Variants in ABCA1 observed in about 807,000 individuals in gnomAD.
ABCA1 encodes the protein ATP binding cassette subfamily A member 1, also known as phospholipid-transporting ATPase ABCA1.
ABCA1 carries 133 observed loss-of-function variants against 262.5 expected under a neutral mutation model. That is an observed-to-expected ratio of 0.51 (90% CI 0.44 to 0.59). The LOEUF (loss-of-function observed/expected upper bound fraction) is 0.59. Among genes scored for constraint, ABCA1 ranks in the 20% least tolerant of loss-of-function variants. The pLI is 0.00. For missense variants in ABCA1, 2,452 were observed against 2,777.5 expected, an observed-to-expected ratio of 0.88 and a Z score of 2.63; for synonymous variants, 1,022 against 1,043.5, an observed-to-expected ratio of 0.98 and a Z score of 0.40.
chr9:104,872,897 C>T (rs918771304), intron 5 of ABCA1, among the ~76,000 whole-genome samples: 3 of 152,216 alleles, frequency 2.0e-5, no homozygotes, highest in South Asian at 2.1e-4. Flanking sequence ...ATTCTGTAAT[C>T]GAATGCAATT....
chr9:104,853,503 G>A lies in ABCA1; in HGVS notation c.720+5019C>T, dbSNP rs189811581. 3.3e-5 allele frequency among the ~76,000 whole-genome samples: 5 copies of A among 152,308 alleles called. No homozygotes were observed. In the East Asian group the frequency reaches 9.6e-4, roughly 29 times the overall value. ...AGAATTCCTCAAATTCCCAGACTCAGCCTTCAGCCTGGATCTCAATGCCCA... is the reference window on the plus strand; with the variant it reads ...AGAATTCCTCAAATTCCCAGACTCAACCTTCAGCCTGGATCTCAATGCCCA... On this transcript the variant is annotated intron_variant, in intron 7 of 49. Coordinates refer to ENST00000374736, the MANE Select transcript of ABCA1 (RefSeq NM_005502.4).
intron 1 of ABCA1, among the ~76,000 whole-genome samples, chr9:104,906,577 C>G (rs1047311535): frequency 2.0e-5 from 3 of 151,946 alleles, no homozygotes; most frequent in Non-Finnish European, 4.4e-5. Context: ...TGGCACTGAC[C>G]TGGCCTCCTG....
rs753735723 is a variant in ABCA1 at position 104,810,796 on chromosome 9, A to G, written c.4175+4T>C. 4.2e-5 allele frequency: 68 copies of G among 1,614,122 alleles called. 1 individual carries two copies. The South Asian group carries it at 7.2e-4, about 17-fold the overall frequency. ...CCCTCCTGGGATGTAGAAGACAAACATACCTGACAAATGTGTACTGTTCGT... is the reference window on the plus strand; with the variant it reads ...CCCTCCTGGGATGTAGAAGACAAACGTACCTGACAAATGTGTACTGTTCGT... On this transcript the variant is annotated splice_donor_region_variant and intron_variant, in intron 29 of 49. Coordinates refer to ENST00000374736, the MANE Select transcript of ABCA1 (RefSeq NM_005502.4).
At chr9:104,863,640 T>C (rs1417772830) in intron 5 of ABCA1, among the ~76,000 whole-genome samples, 4 of 152,178 alleles carry the variant, frequency 2.6e-5, no homozygotes, top group African/African-American at 7.2e-5. Context: ...TTCAGTAATA[T>C]TGAGTTATAT....
In ABCA1 at chr9:104,908,220, A is replaced by G. The variant is rs964908452; in HGVS notation, c.-92-4449T>C. Among the ~76,000 whole-genome samples the G allele has an allele frequency of 8.3e-4, 127 of 152,260 alleles. 11 individuals are homozygous for G. The highest frequency in any genetic ancestry group is 5.9e-5 in the Non-Finnish European group (4 of 68,044). On this transcript the variant is annotated intron_variant, in intron 1 of 49. Coordinates refer to ENST00000374736, the MANE Select transcript of ABCA1 (RefSeq NM_005502.4). ...TGTAAAATGGAAGAGCCACTTTGGA[A>G]AATAGTTTGACAGTTTCTGCTAAGG...
intron 32 of ABCA1, 23 bp from the exon 33 acceptor site, chr9:104,803,339 A>G (rs1830498703): frequency 6.2e-7 from 1 of 1,613,402 alleles, no homozygotes; most frequent in Admixed American, 1.7e-5. Context: ...AGAAACAAAA[A>G]ATCAGTTCAA....
At position 104,819,967 on chromosome 9, in the gene ABCA1, C is replaced by T. The variant is rs1304378716; in HGVS notation, c.3063G>A (p.Leu1021=). The T allele has an allele frequency of 4.3e-6, 7 of 1,613,982 alleles. No homozygotes were observed. The highest frequency in any genetic ancestry group is 5.9e-6 in the Non-Finnish European group (7 of 1,180,002). ...TTTTGCTTTTCAGCTTGCTTGATGG[C>T]AAACCAACATCCAGGGCCATCTGCT... is the stretch of plus-strand genomic sequence containing the variant. ...EMEQMALDVG[L]PSSKLKSKTS... Residue 1021 remains leucine, a synonymous_variant, in exon 21 of 50, where the codon TTG becomes TTA. Transcript: ENST00000374736.
intron 1 of ABCA1, among the ~76,000 whole-genome samples, chr9:104,913,942 G>C (rs1841665514): frequency 6.8e-6 from 1 of 146,212 alleles, no homozygotes; most frequent in African/African-American, 2.5e-5. Flanking sequence ...ACTACCGACA[G>C]CCGCCTGCCA....
intron 33 of ABCA1, among the ~76,000 whole-genome samples, chr9:104,802,679 T>G (rs1185313001): frequency 2.0e-5 from 3 of 152,176 alleles, no homozygotes; most frequent in African/African-American, 7.2e-5. Flanking sequence ...ACAAGGAGCC[T>G]TCGGGCCCCC....
At position 104,840,464 on chromosome 9, in the gene ABCA1, T is replaced by G; in HGVS notation, c.869A>C (p.Asn290Thr). Residue 290 changes from asparagine to threonine, a missense_variant, in exon 9 of 50, where the codon AAT becomes ACT. Physicochemically the swap from Asn to Thr is moderately conservative, Grantham distance 65 (BLOSUM62 0). Around this residue, in one of 4 missense-constraint regions of ABCA1, gnomAD observed 1,032 missense variants for 1,089.7 expected, o/e 0.95. Transcript: ENST00000374736. The stretch of plus-strand genomic sequence containing the variant: ...GGTGGAGGAGCTGGAGCTGTTCACA[T>G]TGGTCAGAAACATCACCTCCTGTCG... ...DMRQEVMFLT[N>T]VNSSSSSTQI... is the part of the protein sequence containing the mutation. 1 of 1,614,090 alleles carries G rather than the reference T, an allele frequency of 6.2e-7. No homozygotes were observed. The highest frequency in any genetic ancestry group is 8.5e-7 in the Non-Finnish European group (1 of 1,180,022).
At chr9:104,798,988 T>C (rs1332175595) in intron 36 of ABCA1, among the ~76,000 whole-genome samples, 3 of 152,158 alleles carry the variant, frequency 2.0e-5, no homozygotes, top group South Asian at 4.1e-4. Flanking sequence ...AGCAGAAATA[T>C]TACTCTGTAA....
chr9:104,873,954 G>A (rs552512456), intron 5 of ABCA1, among the ~76,000 whole-genome samples: 4 of 152,234 alleles, frequency 2.6e-5, no homozygotes, highest in South Asian at 4.1e-4. Flanking sequence ...CTCTTAACAC[G>A]AAGGTATATT....
intron 48 of ABCA1, among the ~76,000 whole-genome samples, chr9:104,785,943 T>C (rs1055234105): frequency 2.0e-5 from 3 of 152,194 alleles, no homozygotes; most frequent in African/African-American, 7.2e-5. Context: ...GAGCTCATAA[T>C]TGGTAGGGCC....
chr9:104,800,033 G>T (rs1588231360), intron 35 of ABCA1, 45 bp from the exon 36 acceptor site: 1 of 1,611,518 alleles, frequency 6.2e-7, no homozygotes, highest in East Asian at 2.2e-5. Flanking sequence ...CCCAAACCGG[G>T]CTCCTGCAGG....
chr9:104,846,653 A>G (rs1266088881), intron 7 of ABCA1, among the ~76,000 whole-genome samples: 1 of 152,202 alleles, frequency 6.6e-6, no homozygotes, highest in African/African-American at 2.4e-5. Flanking sequence ...CATAATCCTC[A>G]ATGTGCATTT....
chr9:104,828,149 C>T (rs1209667198), intron 15 of ABCA1, among the ~76,000 whole-genome samples: 1 of 152,184 alleles, frequency 6.6e-6, no homozygotes, highest in Non-Finnish European at 1.5e-5. Context: ...AGCCTTGTTG[C>T]CCAGCTGTCA....
At chr9:104,911,531 T>C (rs1027667384) in intron 1 of ABCA1, among the ~76,000 whole-genome samples, 1 of 152,156 alleles carries the variant, frequency 6.6e-6, no homozygotes, top group Non-Finnish European at 1.5e-5. Flanking sequence ...CATCCTGCAA[T>C]TTCTCCCAGG....
chr9:104,815,284 A>G (rs1048903913), intron 25 of ABCA1, among the ~76,000 whole-genome samples: 4 of 152,262 alleles, frequency 2.6e-5, no homozygotes, highest in Non-Finnish European at 4.4e-5. Context: ...CAATAGAAAT[A>G]CAGACTTCAA....
chr9:104,851,841 TA>T (rs1835406561), intron 7 of ABCA1, among the ~76,000 whole-genome samples: 1 of 152,224 alleles, frequency 6.6e-6, no homozygotes, highest in African/African-American at 2.4e-5. Context: ...GTTAATCCAT[TA>T]TCACTACACG....
Sources: gnomAD v4.1 joint callset for allele counts (sites outside exome capture counted in the v4.1 genomes callset) on GRCh38, gnomAD v4.1.1 for gene constraint, gnomAD v4.1.1 regional missense constraint, MANE v1.5 for transcripts, NCBI Gene and HGNC (gene_info 2026-07-23, HGNC 2026-07-21) for gene names.